Variants in ZBTB32 observed in about 807,000 individuals in gnomAD.
ZBTB32 encodes the protein zinc finger and BTB domain containing 32, also known as zinc finger and BTB domain-containing protein 32.
ZBTB32 carries 28 observed loss-of-function variants against 45.3 expected under a neutral mutation model. That is an observed-to-expected ratio of 0.62 (90% confidence interval 0.46 to 0.85). The LOEUF (loss-of-function observed/expected upper bound fraction) is 0.85, where lower values mean the gene tolerates loss of function less well. Among genes scored for constraint, ZBTB32 ranks in the 40% least tolerant of loss-of-function variants. The pLI, the probability that ZBTB32 is intolerant of heterozygous loss-of-function variation, is 0.00. For missense variants in ZBTB32, 587 were observed against 624.4 expected (o/e 0.94, Z 0.64); for synonymous variants, 283 against 255.7 (o/e 1.11, Z -1.02).
chr19:35,710,626 T>C (rs1968662689), intron 1 of ZBTB32, among the ~76,000 whole-genome samples: 2 of 152,096 alleles, frequency 1.3e-5, no homozygotes, highest in Admixed American at 1.3e-4. Context: ...TGATGGTGCA[T>C]GCCCGTAACC....
At chr19:35,714,501 C>T (rs1447512830) in intron 2 of ZBTB32, 22 bp from the exon 3 acceptor site, 1 of 1,108,102 alleles carries the variant, frequency 9.0e-7, no homozygotes, top group East Asian at 2.7e-5. Flanking sequence ...GCAACTCACA[C>T]CCTCTCCCCT....
Position 35,716,213 on chromosome 19 carries a change from C to T in ZBTB32, c.1105C>T (p.Arg369Trp), listed in dbSNP as rs549832682. The change falls in exon 6 of 7, where the codon CGG becomes TGG. Residue 369 changes from arginine to tryptophan, a missense_variant. Transcript: ENST00000392197. Reference sequence around the variant, plus strand: ...GCACCCTCCCCCGGCCCCTCCTGCTCGGTCTCGGCCCTATGCGTGCTCTGT... The same window carrying T: ...GCACCCTCCCCCGGCCCCTCCTGCTTGGTCTCGGCCCTATGCGTGCTCTGT... ...RPHPPPAPPA[R>W]SRPYACSVCG... 3.7e-6 allele frequency: 6 copies of T among 1,613,886 alleles called. No individual in the cohort carries two copies. In the South Asian group the frequency reaches 4.4e-5, roughly 12 times the overall value.
chr19:35,705,448 C>T (rs1968515276), intron 1 of ZBTB32, among the ~76,000 whole-genome samples: 1 of 152,078 alleles, frequency 6.6e-6, no homozygotes, highest in Non-Finnish European at 1.5e-5. Context: ...TTCTGGACTC[C>T]AGGTTGAGAT....
intron 1 of ZBTB32, among the ~76,000 whole-genome samples, chr19:35,712,482 A>G (rs1968729147): frequency 6.6e-6 from 1 of 152,162 alleles, no homozygotes; most frequent in Non-Finnish European, 1.5e-5. Flanking sequence ...TTGTTGGATA[A>G]ATGAAAATTT....
At chr19:35,706,147 G>T (rs1488633620) in intron 1 of ZBTB32, among the ~76,000 whole-genome samples, 1 of 150,754 alleles carries the variant, frequency 6.6e-6, no homozygotes, top group African/African-American at 2.4e-5. Context: ...AGAATCGCTT[G>T]TACCTGGGAG....
chr19:35,716,716 G>C lies in ZBTB32; in HGVS notation c.1428G>C (p.Ser476=), dbSNP rs1443393388. The C allele has an allele frequency of 6.2e-7, 1 of 1,613,608 alleles. No homozygotes were observed. Among genetic ancestry groups the C allele is most frequent in the East Asian group, 2.2e-5 (1 of 44,866 alleles). ...LYSSSRPSRP[S]TSPCCPSSST... is the part of the protein sequence containing the mutation. ...CCTCCTCGAGGCCGTCTCGGCCCTC[G>C]ACCTCTCCCTGTTGTCCTTCTTCCT... Residue 476 remains serine (S), a synonymous_variant, in exon 7 of 7, where the codon TCG becomes TCC. Transcript: ENST00000392197.
chr19:35,705,014 G>GT (rs2146405451), intron 1 of ZBTB32, among the ~76,000 whole-genome samples: 1 of 152,330 alleles, frequency 6.6e-6, no homozygotes, highest in African/African-American at 2.4e-5. Flanking sequence ...ATCTCCAAAG[G>GT]TTATGCAGGG....
chr19:35,710,363 C>T (rs760068142), intron 1 of ZBTB32, among the ~76,000 whole-genome samples: 2 of 152,170 alleles, frequency 1.3e-5, no homozygotes, highest in Non-Finnish European at 2.9e-5. Flanking sequence ...TCTGCATAAC[C>T]TGTTGTTTCT....
Position 35,715,203 on chromosome 19 carries a change from G to A in ZBTB32, c.577G>A (p.Glu193Lys). ...TCAGCAGGAACAGACCAGGTCAAAG[G>A]AGAAACGCCTCCAAGCCCCTGTTGG... ...EAQQEQTRSKEKRLQAPVGQR... is the reference protein window; with the variant it reads ...EAQQEQTRSKKKRLQAPVGQR... The change falls in exon 3 of 7, where the codon GAG (glutamate) becomes AAG (lysine). Residue 193 changes from glutamate to lysine, a missense_variant. Physicochemically the swap from Glu to Lys is moderately conservative, Grantham distance 56. Transcript: ENST00000392197. 1 of 1,609,470 alleles carries A rather than the reference G, an allele frequency of 6.2e-7. No individual in the cohort carries two copies. The highest frequency in any genetic ancestry group is 8.5e-7 in the Non-Finnish European group (1 of 1,178,894).
intron 5 of ZBTB32, 23 bp downstream of exon 5, chr19:35,716,030 T>C: frequency 1.9e-6 from 3 of 1,611,158 alleles, no homozygotes; most frequent in Non-Finnish European, 2.5e-6. Flanking sequence ...GGGGCACTCG[T>C]GCCTCAGCCC....
At position 35,715,462 on chromosome 19, in the gene ZBTB32, G is replaced by C. The variant is rs1490144802; in HGVS notation, c.836G>C (p.Ser279Thr). The change falls in exon 3 of 7, where the codon AGC becomes ACC. Residue 279 changes from serine (S) to threonine (T), a missense_variant. Ser to Thr is a moderately conservative substitution (Grantham distance 58, BLOSUM62 1). Transcript: ENST00000392197. ...PPRYGIPFYH[S>T]TPTTGAWQEV... ...AGATATGGCATTCCCTTCTACCATA[G>C]CACCCCCACCACTGGAGCCTGGCAG... The C allele has an allele frequency of 2.5e-6, 4 of 1,574,060 alleles. No individual in the cohort carries two copies. The highest frequency in any genetic ancestry group is 2.6e-6 in the Non-Finnish European group (3 of 1,161,206).
chr19:35,710,701 C>A (rs1421236117), intron 1 of ZBTB32, among the ~76,000 whole-genome samples: 2 of 152,220 alleles, frequency 1.3e-5, no homozygotes, highest in East Asian at 3.9e-4. Context: ...TGCAGTGAGC[C>A]GAGATGGCGC....
In ZBTB32 at chr19:35,714,942, G is replaced by A; in HGVS notation, c.316G>A (p.Glu106Lys). ...AARALGVQSL[E>K]EACWRARGDR... ...CAGGGCCTTGGGAGTGCAGTCCCTGGAAGAGGCATGCTGGAGGGCTCGAGG... is the reference window on the plus strand; with the variant it reads ...CAGGGCCTTGGGAGTGCAGTCCCTGAAAGAGGCATGCTGGAGGGCTCGAGG... Residue 106 changes from glutamate (E) to lysine (K), a missense_variant, in exon 3 of 7, where the codon GAA (glutamate) becomes AAA (lysine). Physicochemically the swap from Glu to Lys is moderately conservative, Grantham distance 56 (BLOSUM62 1). Coordinates refer to ENST00000392197, the MANE Select transcript of ZBTB32 (RefSeq NM_014383.3). 6.3e-7 allele frequency: 1 copy of A among 1,584,770 alleles called. No homozygotes were observed. The highest frequency in any genetic ancestry group is 1.2e-5 in the South Asian group (1 of 86,954).
chr19:35,715,085 G>T lies in ZBTB32; in HGVS notation c.459G>T (p.Gln153His), dbSNP rs762284140. The change falls in exon 3 of 7, where the codon CAG becomes CAT. Residue 153 changes from glutamine (Q) to histidine (H), a missense_variant. By Grantham distance (24) the Gln-to-His change is conservative. Transcript: ENST00000392197. The stretch of plus-strand genomic sequence containing the variant: ...CTGGAGAGAAGCAGAAACCAGAACA[G>T]GTTTCTAGAACTGGTGGGAGAGAAC... ...GDPGEKQKPE[Q>H]VSRTGGREQE... 4.3e-6 allele frequency: 7 copies of T among 1,614,040 alleles called. No homozygotes were observed. The South Asian group carries it at 7.7e-5, about 18-fold the overall frequency.
chr19:35,708,822 C>CTT (rs560022559), intron 1 of ZBTB32, among the ~76,000 whole-genome samples: 15 of 142,176 alleles, frequency 1.1e-4, no homozygotes, highest in South Asian at 2.2e-4. Context: ...TTTCTTTTTT[C>CTT]TTTTTTTTTT....
chr19:35,715,200 A>C lies in ZBTB32; in HGVS notation c.574A>C (p.Lys192Gln). 6.2e-7 allele frequency: 1 copy of C among 1,610,136 alleles called. No homozygotes were observed. The highest frequency in any genetic ancestry group is 8.5e-7 in the Non-Finnish European group (1 of 1,179,086). Residue 192 changes from lysine to glutamine, a missense_variant, in exon 3 of 7, where the codon AAG becomes CAG. By Grantham distance (53) the Lys-to-Gln change is moderately conservative (BLOSUM62 1). Transcript: ENST00000392197. ...QEAQQEQTRS[K>Q]EKRLQAPVGQ... ...GGCTCAGCAGGAACAGACCAGGTCA[A>C]AGGAGAAACGCCTCCAAGCCCCTGT...
chr19:35,711,679 C>T (rs977395728), intron 1 of ZBTB32, among the ~76,000 whole-genome samples: 4 of 151,976 alleles, frequency 2.6e-5, no homozygotes, highest in African/African-American at 7.3e-5. Context: ...AAGGAAGAAA[C>T]GGGAGCTTAG....
rs1269696047 is a variant in ZBTB32, at chr19:35,716,503, T to C, written c.1215T>C (p.Leu405=). 43 of 1,610,028 alleles carry C rather than the reference T, an allele frequency of 2.7e-5. No individual in the cohort carries two copies. Among genetic ancestry groups the C allele is most frequent in the Non-Finnish European group, 3.5e-5 (41 of 1,177,400 alleles). ...GAGAGAAGCCCTTCTCCTGTAGCCT[T>C]TGTCCTCAGCGCTCCCGGGACTTCT... ...HTGEKPFSCS[L]CPQRSRDFSA... The change falls in exon 7 of 7, where the codon CTT becomes CTC. Residue 405 remains leucine (L), a synonymous_variant. Transcript: ENST00000392197.
rs1234742097 is a variant in ZBTB32 at position 35,716,756 on chromosome 19, G to A, written c.*4G>A. The A allele has an allele frequency of 6.3e-7, 1 of 1,597,576 alleles. No homozygotes were observed. The highest frequency in any genetic ancestry group is 1.7e-4 in the Middle Eastern group (1 of 6,012). ...TCCTTCTTCCTCCACCACCTGACGG[G>A]GTGTCGGTAGCGTCTTAGCCAAGAG... On this transcript the variant is annotated 3_prime_UTR_variant, in exon 7 of 7. Transcript: ENST00000392197.
Sources: gnomAD v4.1 joint callset for allele counts (sites outside exome capture counted in the v4.1 genomes callset) on GRCh38, gnomAD v4.1.1 for gene constraint, MANE v1.5 for transcripts, NCBI Gene and HGNC (gene_info 2026-07-23, HGNC 2026-07-21) for gene names.